VWC2: variants seen among roughly 807,000 people sequenced by gnomAD.
The protein encoded by VWC2 is von Willebrand factor C domain containing 2, also known as brorin.
VWC2 carries 14 observed loss-of-function variants against 29.8 expected under a neutral mutation model. That is an observed-to-expected ratio of 0.47 (90% CI 0.31 to 0.74). The LOEUF is 0.74. Among genes scored for constraint, VWC2 ranks in the 30% least tolerant of loss-of-function variants. The pLI, the probability that VWC2 is intolerant of heterozygous loss-of-function variation, is 0.05. For synonymous variants in VWC2, 213 were observed against 199.0 expected, an observed-to-expected ratio of 1.07 and a Z score of -0.59; for missense variants, 457 against 459.8, an observed-to-expected ratio of 0.99 and a Z score of 0.05.
At chr7:49,827,429 T>TGGTATAAAATTTGG (rs1554332709) in intron 3 of VWC2, among the ~76,000 whole-genome samples, 16,998 of 141,668 alleles carry the variant, frequency 0.12, 1,214 homozygotes, top group Non-Finnish European at 0.17. Context: ...TTTTGGTATT[T>TGGTATAAAATTTGG]TATACCAAAT....
At chr7:49,788,634 TGTGTGG>T (rs1788360922) in intron 2 of VWC2, among the ~76,000 whole-genome samples, 1 of 148,868 alleles carries the variant, frequency 6.7e-6, no homozygotes, top group South Asian at 2.1e-4. Context: ...TGTGAGTGAG[TGTGTGG>T]GTGTGAGTGT....
At chr7:49,795,455 C>T (rs1462220454) in intron 2 of VWC2, among the ~76,000 whole-genome samples, 1 of 152,182 alleles carries the variant, frequency 6.6e-6, no homozygotes, top group East Asian at 1.9e-4. Context: ...CATTTATTCA[C>T]TTTCCACACA....
intron 3 of VWC2, among the ~76,000 whole-genome samples, chr7:49,858,907 C>T (rs1288193486): frequency 6.6e-6 from 1 of 152,148 alleles, no homozygotes; most frequent in African/African-American, 2.4e-5. Context: ...AGAGATTCAT[C>T]CACATTGACA....
intron 3 of VWC2, among the ~76,000 whole-genome samples, chr7:49,856,821 A>G (rs2128718588): frequency 6.6e-6 from 1 of 152,070 alleles, no homozygotes; most frequent in East Asian, 1.9e-4. Flanking sequence ...CATCCTGGCT[A>G]ACACGGTGAA....
Position 49,775,978 on chromosome 7 carries a change from C to T in VWC2, c.543C>T (p.Thr181=), listed in dbSNP as rs750171951. 1.3e-6 allele frequency: 2 copies of T among 1,547,624 alleles called. No individual in the cohort carries two copies. Among genetic ancestry groups the T allele is most frequent in the Non-Finnish European group, 1.7e-6 (2 of 1,149,848 alleles). ...CCTCGGCCTGCCCGTGCCTGTGCACCGAGGAGGGGCCGCTGTGCGCGCAGC... is the reference window on the plus strand; with the variant it reads ...CCTCGGCCTGCCCGTGCCTGTGCACTGAGGAGGGGCCGCTGTGCGCGCAGC... ...PGPSACPCLC[T]EEGPLCAQPE... Residue 181 remains threonine (T), a synonymous_variant, in exon 2 of 4, where the codon ACC becomes ACT. Transcript: ENST00000340652.
Position 49,810,137 on chromosome 7 carries a change from ACACACACATACACATG to A in VWC2, c.826+7316_826+7331del, listed in dbSNP as rs1583642825. Among the ~76,000 whole-genome samples, 3 of 152,088 alleles carry A rather than the reference ACACACACATACACATG, an allele frequency of 2.0e-5. 1 individual carries two copies. Among genetic ancestry groups the A allele is most frequent in the Admixed American group, 6.6e-5 (1 of 15,258 alleles). On this transcript the variant is annotated intron_variant, in intron 3 of 3. Transcript: ENST00000340652. ...CCAAGAATTACACATACACGTGCAT[ACACACACATACACATG>A]CACACACATACACATGCATACACAT...
intron 2 of VWC2, among the ~76,000 whole-genome samples, chr7:49,783,315 C>T (rs1788218471): frequency 6.6e-6 from 1 of 151,926 alleles, no homozygotes. Context: ...GAGCTTGGGT[C>T]AGGGGGTCAA....
chr7:49,779,015 G>C lies in VWC2; in HGVS notation c.696+2884G>C, dbSNP rs945671091. ...TGCAAGATGCATAGATCCTTTAACAGTCTGTTCTCTGCTTCCAGAGAGGGA... is the reference window on the plus strand; with the variant it reads ...TGCAAGATGCATAGATCCTTTAACACTCTGTTCTCTGCTTCCAGAGAGGGA... On this transcript the variant is annotated intron_variant, in intron 2 of 3. Coordinates refer to ENST00000340652, the MANE Select transcript of VWC2 (RefSeq NM_198570.5). 1.1e-4 allele frequency among the ~76,000 whole-genome samples: 17 copies of C among 151,368 alleles called. 1 individual carries two copies. The highest frequency in any genetic ancestry group is 1.1e-3 in the Admixed American group (17 of 15,200).
At chr7:49,826,438 C>T (rs1036395792) in intron 3 of VWC2, among the ~76,000 whole-genome samples, 3 of 152,188 alleles carry the variant, frequency 2.0e-5, no homozygotes, top group African/African-American at 7.2e-5. Flanking sequence ...AGGTGAGACT[C>T]ACAGACAGTC....
intron 3 of VWC2, among the ~76,000 whole-genome samples, chr7:49,834,157 C>T (rs1427349091): frequency 6.6e-6 from 1 of 152,184 alleles, no homozygotes; most frequent in African/African-American, 2.4e-5. Flanking sequence ...TTTTCCACCA[C>T]AATACTCTCT....
At chr7:49,854,085 G>A (rs1489343311) in intron 3 of VWC2, among the ~76,000 whole-genome samples, 1 of 152,002 alleles carries the variant, frequency 6.6e-6, no homozygotes, top group Non-Finnish European at 1.5e-5. Flanking sequence ...TGGTGTATAT[G>A]TGCCACATTT....
intron 3 of VWC2, among the ~76,000 whole-genome samples, chr7:49,838,246 G>A (rs928475683): frequency 6.6e-6 from 1 of 152,194 alleles, no homozygotes; most frequent in Admixed American, 6.5e-5. Flanking sequence ...AACCGTAAAA[G>A]GCAAAATGCT....
At chr7:49,897,666 C>T (rs951755904) in intron 3 of VWC2, among the ~76,000 whole-genome samples, 2 of 152,198 alleles carry the variant, frequency 1.3e-5, no homozygotes, top group African/African-American at 4.8e-5. Flanking sequence ...TAGGCAAATA[C>T]AGAAAATCAC....
intron 3 of VWC2, among the ~76,000 whole-genome samples, chr7:49,911,480 C>CAA (rs34782644): frequency 0.074 from 5,069 of 68,450 alleles, 408 homozygotes; most frequent in South Asian, 0.13. Flanking sequence ...GACTCTGTCT[C>CAA]AAAAAAAAAA....
intron 3 of VWC2, among the ~76,000 whole-genome samples, chr7:49,822,149 A>G (rs1789275959): frequency 6.6e-6 from 1 of 152,140 alleles, no homozygotes; most frequent in East Asian, 1.9e-4. Context: ...TTTTGGCTGC[A>G]TATTTCTTTC....
At chr7:49,779,830 A>G (rs2128701230) in intron 2 of VWC2, among the ~76,000 whole-genome samples, 1 of 152,266 alleles carries the variant, frequency 6.6e-6, no homozygotes, top group South Asian at 2.1e-4. Context: ...TGGCTTGCAG[A>G]TGTCCATCTT....
chr7:49,876,646 G>A (rs556378992), intron 3 of VWC2, among the ~76,000 whole-genome samples: 2 of 152,186 alleles, frequency 1.3e-5, no homozygotes, highest in South Asian at 4.2e-4. Context: ...GAATTGCCTT[G>A]TTGTTTTTTA....
At chr7:49,807,236 T>G (rs1788900052) in intron 3 of VWC2, among the ~76,000 whole-genome samples, 2 of 152,208 alleles carry the variant, frequency 1.3e-5, no homozygotes, top group Non-Finnish European at 2.9e-5. Flanking sequence ...AATCTATTGA[T>G]TCAGTACAAA....
intron 2 of VWC2, among the ~76,000 whole-genome samples, chr7:49,799,430 G>C (rs73108837): frequency 6.6e-6 from 1 of 152,258 alleles, no homozygotes; most frequent in African/African-American, 2.4e-5. Flanking sequence ...GGCAGAACTA[G>C]CAGGGCACCT....
Sources: gnomAD v4.1 joint callset for allele counts (sites outside exome capture counted in the v4.1 genomes callset) on GRCh38, gnomAD v4.1.1 for gene constraint, MANE v1.5 for transcripts, NCBI Gene and HGNC (gene_info 2026-07-23, HGNC 2026-07-21) for gene names.